Variants in SETBP1 observed in about 807,000 individuals in gnomAD.
The protein encoded by SETBP1 is SET binding protein 1.
SETBP1 carries 9 observed loss-of-function variants against 101.0 expected under a neutral mutation model. The observed-to-expected ratio is 0.09, with a 90% CI of 0.05 to 0.16. The LOEUF (loss-of-function observed/expected upper bound fraction) is 0.16, where lower values mean the gene tolerates loss of function less well. Among genes scored for constraint, SETBP1 ranks in the 10% least tolerant of loss-of-function variants. The probability of loss-of-function intolerance (pLI) is 1.00; values close to 1 mark genes in which losing one functional copy is unlikely to be tolerated. For missense variants in SETBP1, 1,858 were observed against 2,033.8 expected (o/e 0.91, Z 1.66); for synonymous variants, 818 against 788.5 (o/e 1.04, Z -0.63).
chr18:44,746,867 C>T (rs1399836550), intron 2 of SETBP1, among the ~76,000 whole-genome samples: 8 of 152,120 alleles, frequency 5.3e-5, no homozygotes, highest in Non-Finnish European at 7.3e-5. Context: ...TGATTGGAGA[C>T]GATTCTGCAT....
chr18:44,690,637 A>G (rs781771615), intron 1 of SETBP1, among the ~76,000 whole-genome samples: 1 of 152,238 alleles, frequency 6.6e-6, no homozygotes, highest in Non-Finnish European at 1.5e-5. Flanking sequence ...GGTTCAAATA[A>G]CATTTGGAGT....
At chr18:45,022,961 T>C (rs1400052430) in intron 4 of SETBP1, among the ~76,000 whole-genome samples, 3 of 152,248 alleles carry the variant, frequency 2.0e-5, no homozygotes, top group African/African-American at 2.4e-5. Context: ...CTATTAGTTC[T>C]ATTATTGATG....
At chr18:45,056,978 T>G (rs2145573249) in intron 5 of SETBP1, among the ~76,000 whole-genome samples, 1 of 152,330 alleles carries the variant, frequency 6.6e-6, no homozygotes. Flanking sequence ...TACTATGCTT[T>G]AAACAAGCTA....
chr18:44,937,013 C>A (rs1332045982), intron 3 of SETBP1, among the ~76,000 whole-genome samples: 2 of 152,150 alleles, frequency 1.3e-5, no homozygotes, highest in Non-Finnish European at 2.9e-5. Context: ...GACCCTATTT[C>A]TGCTGGATGT....
At chr18:45,058,526 C>T (rs1340369508) in intron 5 of SETBP1, among the ~76,000 whole-genome samples, 1 of 152,076 alleles carries the variant, frequency 6.6e-6, no homozygotes, top group African/African-American at 2.4e-5. Flanking sequence ...TTCAGCCATC[C>T]AATGTAACAG....
At chr18:44,808,883 C>T (rs1599157080) in intron 2 of SETBP1, among the ~76,000 whole-genome samples, 1 of 152,246 alleles carries the variant, frequency 6.6e-6, no homozygotes, top group East Asian at 1.9e-4. Context: ...CCTTGCTTTC[C>T]CTCATCCTAA....
chr18:44,713,045 G>A (rs972495750), intron 2 of SETBP1, among the ~76,000 whole-genome samples: 1 of 136,684 alleles, frequency 7.3e-6, no homozygotes, highest in African/African-American at 2.7e-5. Context: ...TGCAAGCTCC[G>A]CCTACCGGGT....
At chr18:44,744,377 A>G (rs2070173774) in intron 2 of SETBP1, among the ~76,000 whole-genome samples, 1 of 152,236 alleles carries the variant, frequency 6.6e-6, no homozygotes, top group African/African-American at 2.4e-5. Flanking sequence ...AATGGGGCAG[A>G]TGAGTACCCT....
At chr18:44,708,517 T>C (rs2069267846) in intron 2 of SETBP1, among the ~76,000 whole-genome samples, 1 of 152,182 alleles carries the variant, frequency 6.6e-6, no homozygotes, top group Non-Finnish European at 1.5e-5. Flanking sequence ...TCCTGATAGA[T>C]TTCTCTCTGA....
At position 44,701,307 on chromosome 18, in the gene SETBP1, T is replaced by A; in HGVS notation, c.-40T>A. The A allele has an allele frequency of 6.9e-7, 1 of 1,453,480 alleles. No homozygotes were observed. The highest frequency in any genetic ancestry group is 9.1e-7 in the Non-Finnish European group (1 of 1,100,702). 90.0% of individuals were successfully genotyped at this position (1,453,480 alleles called of 1,614,324 possible). On this transcript the variant is annotated 5_prime_UTR_variant, in exon 2 of 6. Coordinates refer to ENST00000649279, the MANE Select transcript of SETBP1 (RefSeq NM_015559.3). Reference sequence around the variant, plus strand: ...CACCTTTCCCTTTTCCCTTTTCCCCTTCCCCCTCCTGAGAACTCCGGAAGA... The same window carrying A: ...CACCTTTCCCTTTTCCCTTTTCCCCATCCCCCTCCTGAGAACTCCGGAAGA...
chr18:44,824,379 G>A (rs189501033), intron 2 of SETBP1, among the ~76,000 whole-genome samples: 12 of 151,980 alleles, frequency 7.9e-5, no homozygotes, highest in Admixed American at 7.9e-4. Flanking sequence ...ATCTATATAG[G>A]GTTTTGTATG....
intron 2 of SETBP1, among the ~76,000 whole-genome samples, chr18:44,845,971 G>A (rs1306141309): frequency 6.6e-6 from 1 of 152,184 alleles, no homozygotes; most frequent in Non-Finnish European, 1.5e-5. Flanking sequence ...CTTTCCTTCT[G>A]TGCCTAGCAG....
intron 4 of SETBP1, among the ~76,000 whole-genome samples, chr18:44,955,799 A>G (rs2071468663): frequency 6.6e-6 from 1 of 152,160 alleles, no homozygotes. Context: ...CCTTTCTTTC[A>G]GAATCCCATT....
At chr18:44,708,329 T>C (rs867008156) in intron 2 of SETBP1, among the ~76,000 whole-genome samples, 9 of 152,212 alleles carry the variant, frequency 5.9e-5, no homozygotes, top group Admixed American at 2.0e-4. Context: ...CCTGGGAGTA[T>C]GAGCTTCTTC....
At chr18:44,974,607 A>C (rs2071944805) in intron 4 of SETBP1, among the ~76,000 whole-genome samples, 2 of 152,242 alleles carry the variant, frequency 1.3e-5, no homozygotes, top group Non-Finnish European at 2.9e-5. Flanking sequence ...ACTCATGTGC[A>C]CAGGTGGGTG....
At chr18:44,960,501 A>T (rs956471341) in intron 4 of SETBP1, among the ~76,000 whole-genome samples, 1 of 151,682 alleles carries the variant, frequency 6.6e-6, no homozygotes, top group African/African-American at 2.4e-5. Context: ...TACCCTGTTA[A>T]TTTTTGTTTT....
At position 44,952,529 on chromosome 18, in the gene SETBP1, T is replaced by C; in HGVS notation, c.3189T>C (p.Leu1063=). Residue 1063 remains leucine, a synonymous_variant, in exon 4 of 6, where the codon CTT becomes CTC. Transcript: ENST00000649279. Reference sequence around the variant, plus strand: ...ACACATCAATGCCTATGATGAACCTTGGTTATTACGGTCAGTACCCAGCTC... The same window carrying C: ...ACACATCAATGCCTATGATGAACCTCGGTTATTACGGTCAGTACCCAGCTC... ...MPYTSMPMMN[L]GYYGQYPAPL... is the part of the protein sequence containing the mutation. The C allele has an allele frequency of 6.2e-7, 1 of 1,614,096 alleles. No individual in the cohort carries two copies.
chr18:45,046,246 T>C (rs1262115274), intron 5 of SETBP1, among the ~76,000 whole-genome samples: 2 of 152,338 alleles, frequency 1.3e-5, no homozygotes, highest in Admixed American at 1.3e-4. Flanking sequence ...AACAACTGTT[T>C]CCTGCACAAA....
At position 44,990,927 on chromosome 18, in the gene SETBP1, GAAAAAAA is replaced by G. The variant is rs996043221; in HGVS notation, c.4000+37601_4000+37607del. Among the ~76,000 whole-genome samples the G allele has an allele frequency of 5.7e-3, 358 of 63,210 alleles. 3 individuals are homozygous for G. The highest frequency in any genetic ancestry group is 0.038 in the East Asian group (84 of 2,222). The allele number at this position is 63,210 out of a possible 152,430, so 41.5% of individuals were successfully genotyped here. ...TAACTTACAAACCATCAGAGAGAGA[GAAAAAAA>G]AAAAAAAAAAAAAGAAACCAAAAAA... is the stretch of plus-strand genomic sequence containing the variant. On this transcript the variant is annotated intron_variant, in intron 4 of 5. Transcript: ENST00000649279.
Sources: allele counts gnomAD v4.1 joint callset (sites outside exome capture counted in the v4.1 genomes callset), GRCh38; gene constraint gnomAD v4.1.1; transcripts MANE v1.5; gene names NCBI Gene and HGNC (gene_info 2026-07-23, HGNC 2026-07-21).